Variants in GOLPH3 observed in about 807,000 individuals in gnomAD.
GOLPH3 encodes the protein golgi phosphoprotein 3, also known as coat protein GPP34.
A neutral mutation model predicts 28.5 loss-of-function variants in GOLPH3; 14 were observed. The ratio of observed to expected loss-of-function variants is 0.49; its 90% confidence interval spans 0.32 to 0.77. GOLPH3 has a LOEUF of 0.77. Ranked by LOEUF, GOLPH3 falls within the 30% of genes least tolerant of loss-of-function variation. GOLPH3 has a pLI of 0.03. For synonymous variants in GOLPH3, 158 were observed against 159.2 expected (o/e 0.99, Z 0.06); for missense variants, 350 against 393.7 (o/e 0.89, Z 0.94).
At chr5:32,140,802 CAAAAAAA>C (rs553950121) in intron 2 of GOLPH3, among the ~76,000 whole-genome samples, 6 of 73,680 alleles carry the variant, frequency 8.1e-5, no homozygotes, top group South Asian at 4.2e-4. Context: ...ACTCTGTCTC[CAAAAAAA>C]AAAAAAAAAA....
intron 1 of GOLPH3, among the ~76,000 whole-genome samples, chr5:32,169,632 C>T (rs1245926343): frequency 6.6e-6 from 1 of 152,086 alleles, no homozygotes; most frequent in African/African-American, 2.4e-5. Context: ...TGTGGTAATT[C>T]TCAATAAAGC....
At chr5:32,154,753 C>T (rs1746378961) in intron 1 of GOLPH3, among the ~76,000 whole-genome samples, 1 of 152,196 alleles carries the variant, frequency 6.6e-6, no homozygotes, top group Non-Finnish European at 1.5e-5. Context: ...CTGGATGACT[C>T]CTGATGCAAT....
intron 3 of GOLPH3, among the ~76,000 whole-genome samples, chr5:32,132,080 T>A (rs1296341834): frequency 1.3e-5 from 2 of 152,102 alleles, no homozygotes; most frequent in East Asian, 3.9e-4. Context: ...CAACTGAGCC[T>A]GGGAGGTCAA....
Position 32,170,428 on chromosome 5 carries a change from GTAAAGTTTAGCTTT to G in GOLPH3, c.225+3368_225+3381del, listed in dbSNP as rs538068594. Among the ~76,000 whole-genome samples the G allele has an allele frequency of 8.5e-5, 13 of 152,318 alleles. No individual in the cohort carries two copies. The East Asian group carries it at 2.5e-3, about 29-fold the overall frequency. On this transcript the variant is annotated intron_variant, in intron 1 of 3. Transcript: ENST00000265070. ...TCCAACATTAATGATTTGCTTAAAT[GTAAAGTTTAGCTTT>G]TAAAGTTCTTAGGAGAATCCAGACA...
At chr5:32,138,977 T>C (rs1745998801) in intron 2 of GOLPH3, among the ~76,000 whole-genome samples, 1 of 152,264 alleles carries the variant, frequency 6.6e-6, no homozygotes, top group African/African-American at 2.4e-5. Flanking sequence ...ACTCATTCTT[T>C]ATATTTATTG....
At chr5:32,134,593 G>C (rs1745894376) in intron 3 of GOLPH3, 1 of 152,080 alleles carries the variant, frequency 6.6e-6, no homozygotes, top group Admixed American at 6.6e-5. Context: ...AGAGGCTGAG[G>C]CAGAGGCTGT....
rs1746908675 is a variant in GOLPH3, at chr5:32,173,794, C to G, written c.225+16G>C. 2.2e-6 allele frequency: 3 copies of G among 1,369,212 alleles called. No homozygotes were observed. The highest frequency in any genetic ancestry group is 1.9e-6 in the Non-Finnish European group (2 of 1,065,894). The allele number at this position is 1,369,212 out of a possible 1,614,324, so 84.8% of individuals were successfully genotyped here. ...CCCCGCGCCGCCGCCCCCCGCCCAG[C>G]CCGCCGCGCCCGCACCTCGCGGTCC... On this transcript the variant is annotated intron_variant, in intron 1 of 3. Coordinates refer to ENST00000265070, the MANE Select transcript of GOLPH3 (RefSeq NM_022130.4).
chr5:32,133,358 A>T (rs1328724726), intron 3 of GOLPH3, among the ~76,000 whole-genome samples: 2 of 152,194 alleles, frequency 1.3e-5, no homozygotes, highest in Non-Finnish European at 2.9e-5. Flanking sequence ...CCATAAAAAG[A>T]ATCTTTAACA....
intron 1 of GOLPH3, among the ~76,000 whole-genome samples, chr5:32,164,343 C>T (rs747841824): frequency 3.3e-5 from 5 of 152,072 alleles, no homozygotes; most frequent in Non-Finnish European, 5.9e-5. Context: ...ATGGAATATA[C>T]ATATTTGTTT....
intron 2 of GOLPH3, among the ~76,000 whole-genome samples, chr5:32,137,788 T>C (rs1275112723): frequency 6.6e-6 from 1 of 152,236 alleles, no homozygotes; most frequent in Non-Finnish European, 1.5e-5. Flanking sequence ...ATTCACGTTG[T>C]TGGCTAAGCT....
At chr5:32,167,820 A>G (rs1261284684) in intron 1 of GOLPH3, among the ~76,000 whole-genome samples, 3 of 152,094 alleles carry the variant, frequency 2.0e-5, no homozygotes, top group Admixed American at 6.6e-5. Flanking sequence ...TGGGCATGAT[A>G]GGGTGCGCCT....
intron 3 of GOLPH3, among the ~76,000 whole-genome samples, chr5:32,128,603 G>A (rs1745749849): frequency 6.6e-6 from 1 of 152,138 alleles, no homozygotes; most frequent in Non-Finnish European, 1.5e-5. Context: ...AGAGGTTGCA[G>A]TGAGCCGAGA....
intron 1 of GOLPH3, among the ~76,000 whole-genome samples, chr5:32,170,281 G>T (rs1019824813): frequency 6.6e-6 from 1 of 152,178 alleles, no homozygotes; most frequent in Non-Finnish European, 1.5e-5. Flanking sequence ...GGTTACCCCT[G>T]AGGAATGGGT....
At chr5:32,165,733 G>C (rs1485542990) in intron 1 of GOLPH3, among the ~76,000 whole-genome samples, 3 of 152,212 alleles carry the variant, frequency 2.0e-5, no homozygotes, top group Non-Finnish European at 4.4e-5. Context: ...CTCTCACAGA[G>C]CATGTGCTCA....
chr5:32,152,276 G>A (rs1476502171), intron 1 of GOLPH3, among the ~76,000 whole-genome samples: 2 of 151,426 alleles, frequency 1.3e-5, no homozygotes, highest in East Asian at 2.0e-4. Flanking sequence ...ACAGGCGTGC[G>A]CCACCATGCC....
At chr5:32,131,342 G>A (rs961900896) in intron 3 of GOLPH3, among the ~76,000 whole-genome samples, 2 of 152,156 alleles carry the variant, frequency 1.3e-5, no homozygotes, top group Non-Finnish European at 1.5e-5. Flanking sequence ...GAAGAACTAA[G>A]CTAAATCAAA....
intron 1 of GOLPH3, among the ~76,000 whole-genome samples, chr5:32,149,634 G>T (rs1173263462): frequency 6.6e-6 from 1 of 152,152 alleles, no homozygotes; most frequent in Admixed American, 6.5e-5. Flanking sequence ...GAGAATGAAG[G>T]TGACTTCAGG....
At chr5:32,163,825 G>A (rs1289880847) in intron 1 of GOLPH3, among the ~76,000 whole-genome samples, 1 of 151,932 alleles carries the variant, frequency 6.6e-6, no homozygotes, top group Non-Finnish European at 1.5e-5. Flanking sequence ...AAAATTAAAT[G>A]GTATACTCCA....
intron 1 of GOLPH3, among the ~76,000 whole-genome samples, chr5:32,164,960 C>T (rs1292606219): frequency 7.2e-6 from 1 of 139,238 alleles, no homozygotes; most frequent in African/African-American, 2.8e-5. Flanking sequence ...AGTGCAGTGG[C>T]ATGATCTTAG....
Sources: gnomAD v4.1 joint callset for allele counts (sites outside exome capture counted in the v4.1 genomes callset) on GRCh38, gnomAD v4.1.1 for gene constraint, MANE v1.5 for transcripts, NCBI Gene and HGNC (gene_info 2026-07-23, HGNC 2026-07-21) for gene names.